Variants in AFAP1L2 observed in about 807,000 individuals in gnomAD.
The protein encoded by AFAP1L2 is actin filament-associated protein 1-like 2.
AFAP1L2 carries 46 observed loss-of-function variants against 99.3 expected under a neutral mutation model. The observed-to-expected ratio is 0.46, with a 90% CI of 0.37 to 0.59. The LOEUF (loss-of-function observed/expected upper bound fraction) is 0.59, where lower values mean the gene tolerates loss of function less well. Among genes scored for constraint, AFAP1L2 ranks in the 20% least tolerant of loss-of-function variants. The pLI is 0.00. For missense variants in AFAP1L2, 959 were observed against 1,034.9 expected (o/e 0.93, Z 1.01); for synonymous variants, 397 against 419.1 (o/e 0.95, Z 0.64).
chr10:114,374,112 C>T (rs774439216), intron 1 of AFAP1L2, among the ~76,000 whole-genome samples: 1 of 152,150 alleles, frequency 6.6e-6, no homozygotes, highest in Non-Finnish European at 1.5e-5. Context: ...CCCATTCTCA[C>T]TCCTCCTCTG....
intron 11 of AFAP1L2, 151 bp from the exon 12 acceptor site, chr10:114,302,635 G>A (rs2041411419): frequency 2.2e-6 from 2 of 893,116 alleles, no homozygotes; most frequent in African/African-American, 1.7e-5. Context: ...CTGTTCACCA[G>A]CCTATCCCAC....
intron 1 of AFAP1L2, among the ~76,000 whole-genome samples, chr10:114,385,607 G>A (rs1393170787): frequency 1.3e-5 from 2 of 152,142 alleles, no homozygotes; most frequent in African/African-American, 4.8e-5. Flanking sequence ...TCCATCCTCA[G>A]AATCAGGATA....
intron 1 of AFAP1L2, among the ~76,000 whole-genome samples, chr10:114,378,440 T>C (rs892421503): frequency 6.6e-6 from 1 of 152,210 alleles, no homozygotes; most frequent in African/African-American, 2.4e-5. Context: ...ACACTTCCCA[T>C]GGGCAAATGT....
At chr10:114,389,546 G>A (rs2056895660) in intron 1 of AFAP1L2, among the ~76,000 whole-genome samples, 1 of 152,234 alleles carries the variant, frequency 6.6e-6, no homozygotes, top group Non-Finnish European at 1.5e-5. Context: ...GACGCTGGCT[G>A]TCAGCCATGA....
chr10:114,284,523 G>A, the AFAP1L2 span, among the ~76,000 whole-genome samples: 2 of 152,008 alleles, frequency 1.3e-5, no homozygotes, highest in Admixed American at 6.6e-5. Context: ...TTAGAAGACA[G>A]GGCCCCATTG....
At chr10:114,349,383 C>CAAAAAAAAAAAAA (rs113553514) in intron 1 of AFAP1L2, among the ~76,000 whole-genome samples, 5 of 86,208 alleles carry the variant, frequency 5.8e-5, no homozygotes, top group Non-Finnish European at 8.7e-5. Context: ...AACTCGGTCT[C>CAAAAAAAAAAAAA]AAAAAAAAAA....
chr10:114,395,885 C>T (rs901248697), intron 1 of AFAP1L2, among the ~76,000 whole-genome samples: 1 of 152,204 alleles, frequency 6.6e-6, no homozygotes, highest in South Asian at 2.1e-4. Context: ...CAGCCACAAG[C>T]CAGGCCTGAC....
chr10:114,365,230 C>G (rs919968684), intron 1 of AFAP1L2, among the ~76,000 whole-genome samples: 12 of 152,248 alleles, frequency 7.9e-5, no homozygotes, highest in African/African-American at 2.4e-4. Flanking sequence ...CTGGTATGGA[C>G]ATTGTTCTCT....
intron 12 of AFAP1L2, 106 bp downstream of exon 12, chr10:114,302,233 G>A: frequency 6.8e-7 from 1 of 1,472,104 alleles, no homozygotes; most frequent in South Asian, 1.2e-5. Flanking sequence ...TGGGCAGAGT[G>A]GGGTGGGACC....
At chr10:114,286,499 C>T in the AFAP1L2 span, 26 of 1,570,996 alleles carry the variant, frequency 1.7e-5, no homozygotes, top group Admixed American at 6.9e-5. Flanking sequence ...GCTGTGCAGC[C>T]GGCAGCGGCC....
chr10:114,312,963 A>G (rs2043486763), intron 7 of AFAP1L2, among the ~76,000 whole-genome samples: 2 of 152,160 alleles, frequency 1.3e-5, no homozygotes, highest in African/African-American at 4.8e-5. Flanking sequence ...CCAGTGCCTC[A>G]GGCGGGTACT....
intron 1 of AFAP1L2, among the ~76,000 whole-genome samples, chr10:114,398,186 A>C (rs949446549): frequency 6.6e-6 from 1 of 152,236 alleles, no homozygotes; most frequent in Non-Finnish European, 1.5e-5. Context: ...ATAGAAAATT[A>C]GGAAAGGGCT....
the AFAP1L2 span, among the ~76,000 whole-genome samples, chr10:114,282,017 C>CTTTTTTTT: frequency 1.7e-5 from 2 of 119,658 alleles, no homozygotes; most frequent in African/African-American, 3.2e-5. Context: ...CTTATGTTAC[C>CTTTTTTTT]TTTTTTTTTT....
intron 4 of AFAP1L2, chr10:114,325,997 G>A (rs1285036891): frequency 4.7e-6 from 6 of 1,285,416 alleles, no homozygotes; most frequent in Non-Finnish European, 6.1e-6. Context: ...CCCATCTGGA[G>A]AAAAGCTCTG....
intron 1 of AFAP1L2, among the ~76,000 whole-genome samples, chr10:114,379,373 A>T (rs1432146816): frequency 6.6e-6 from 1 of 152,086 alleles, no homozygotes; most frequent in Non-Finnish European, 1.5e-5. Flanking sequence ...CCCCACAGTG[A>T]TGTCTAAAAC....
chr10:114,335,473 T>C (rs147846925), intron 2 of AFAP1L2, among the ~76,000 whole-genome samples: 2,589 of 151,794 alleles, frequency 0.017, 68 homozygotes, highest in African/African-American at 0.058. Context: ...ATTAGCCAGG[T>C]GTAGTGGTGG....
chr10:114,374,874 T>C (rs1000008829), intron 1 of AFAP1L2, among the ~76,000 whole-genome samples: 2 of 150,378 alleles, frequency 1.3e-5, no homozygotes, highest in Admixed American at 6.6e-5. Flanking sequence ...GAGAGGTGGT[T>C]TAGGTCCCTT....
rs17852236 is a variant in AFAP1L2, at chr10:114,300,629, C to T, written c.1604G>A (p.Arg535Gln). 284 of 1,612,952 alleles carry T rather than the reference C, an allele frequency of 1.8e-4. No homozygotes were observed. The highest frequency in any genetic ancestry group is 2.2e-4 in the Non-Finnish European group (263 of 1,179,444). Residue 535 changes from arginine (R) to glutamine (Q), a missense_variant, in exon 14 of 19, where the codon CGA becomes CAA. This residue lies in a region of AFAP1L2 where 576 missense variants were observed against 562.1 expected (regional missense o/e 1.02). Transcript: ENST00000304129. ...ADDPNERESD[R>Q]VYLDLTPVKS... ...GACAGGTGTGAGGTCCAGGTACACT[C>T]GGTCAGATTCTCTCTCATTTGGGTC...
chr10:114,372,393 C>T (rs1406743667), intron 1 of AFAP1L2, among the ~76,000 whole-genome samples: 2 of 152,134 alleles, frequency 1.3e-5, no homozygotes, highest in African/African-American at 4.8e-5. Flanking sequence ...GGAAGCTGCA[C>T]AGGGCTGGGC....
Sources: allele counts gnomAD v4.1 joint callset (sites outside exome capture counted in the v4.1 genomes callset), GRCh38; gene constraint gnomAD v4.1.1; regional missense constraint gnomAD v4.1.1; transcripts MANE v1.5; gene names NCBI Gene and HGNC (gene_info 2026-07-23, HGNC 2026-07-21).